PPP5C: variants seen among roughly 807,000 people sequenced by gnomAD.
PPP5C encodes the protein serine/threonine-protein phosphatase 5.
In PPP5C, 21 loss-of-function variants were observed where a neutral mutation model predicts 66.7. The ratio of observed to expected loss-of-function variants is 0.31; its 90% CI spans 0.22 to 0.45. PPP5C has a LOEUF of 0.45. PPP5C is among the 20% of genes least tolerant of loss of function. The pLI is 1.00. For missense variants in PPP5C, 464 were observed against 675.9 expected, an observed-to-expected ratio of 0.69 and a Z score of 3.48; for synonymous variants, 246 against 257.4, an observed-to-expected ratio of 0.96 and a Z score of 0.43.
intron 1 of PPP5C, among the ~76,000 whole-genome samples, chr19:46,351,883 C>T (rs564408036): frequency 1.3e-5 from 2 of 152,328 alleles, no homozygotes; most frequent in African/African-American, 4.8e-5. Context: ...CCTGACCCAG[C>T]CTGGGAGTAA....
chr19:46,375,960 T>C (rs570156819), intron 3 of PPP5C, among the ~76,000 whole-genome samples: 1 of 152,224 alleles, frequency 6.6e-6, no homozygotes, highest in South Asian at 2.1e-4. Context: ...TGGAGAGCCA[T>C]GGTCCCCCTG....
At chr19:46,378,523 TGCTC>T (rs1204419093) in intron 4 of PPP5C, among the ~76,000 whole-genome samples, 1 of 152,242 alleles carries the variant, frequency 6.6e-6, no homozygotes, top group Non-Finnish European at 1.5e-5. Context: ...TTTTTCTAAT[TGCTC>T]AATCATTTAT....
intron 2 of PPP5C, among the ~76,000 whole-genome samples, chr19:46,361,521 C>A (rs1429624622): frequency 7.1e-6 from 1 of 140,330 alleles, no homozygotes; most frequent in Admixed American, 7.5e-5. Context: ...CTGAGGCAGG[C>A]GGATCATGAG....
rs915932837 is a variant in PPP5C at position 46,384,686 on chromosome 19, C to T, written c.799-118C>T. 1.8e-5 allele frequency: 13 copies of T among 736,798 alleles called. No homozygotes were observed. The African/African-American group carries it at 2.1e-4, about 12-fold the overall frequency. 45.6% of individuals were successfully genotyped at this position (736,798 alleles called of 1,614,324 possible). A position where few individuals can be genotyped will look rare whatever the true frequency, so the allele number is the denominator to read the frequency against. Reference sequence around the variant, plus strand: ...GTCCTCACTCCCTGGGAGGTGCTGACAGGAGGCTTGAGGCCAGGCAGGAGC... The same window carrying T: ...GTCCTCACTCCCTGGGAGGTGCTGATAGGAGGCTTGAGGCCAGGCAGGAGC... On this transcript the variant is annotated intron_variant, in intron 6 of 12. Transcript: ENST00000012443.
At chr19:46,390,160 C>A in intron 12 of PPP5C, 28 bp downstream of exon 12, 1 of 1,612,142 alleles carries the variant, frequency 6.2e-7, no homozygotes, top group Non-Finnish European at 8.5e-7. Context: ...GCCCCTGCCC[C>A]TTCCATCCCG....
At chr19:46,386,649 G>A (rs1972893750) in intron 7 of PPP5C, 1 of 198,146 alleles carries the variant, frequency 5.0e-6, no homozygotes, top group Non-Finnish European at 1.1e-5. Flanking sequence ...GCTTTGCTCT[G>A]TTGCCCAGGC....
intron 1 of PPP5C, among the ~76,000 whole-genome samples, chr19:46,350,145 G>A (rs1430484677): frequency 6.6e-6 from 1 of 152,188 alleles, no homozygotes; most frequent in African/African-American, 2.4e-5. Context: ...GAGGCCAGGT[G>A]GAGGCTGAGC....
Position 46,390,120 on chromosome 19 carries a change from G to C in PPP5C, c.1425G>C (p.Gln475His). The change falls in exon 12 of 13, where the codon CAG (glutamine) becomes CAC (histidine). Residue 475 changes from glutamine to histidine, a missense_variant. By Grantham distance (24) the Gln-to-His change is conservative (BLOSUM62 0). Coordinates refer to ENST00000012443, the MANE Select transcript of PPP5C (RefSeq NM_006247.4). ...QGSDLRPQFH[Q>H]FTAVPHPNVK... ...CTGACCTACGGCCTCAGTTCCACCA[G>C]TTCACAGCAGTGGTGAGTCACCCCT... 2 of 1,614,148 alleles carry C rather than the reference G, an allele frequency of 1.2e-6. No homozygotes were observed. Among genetic ancestry groups the C allele is most frequent in the South Asian group, 1.1e-5 (1 of 91,088 alleles).
At chr19:46,389,327 A>C (rs1972951901) in intron 11 of PPP5C, among the ~76,000 whole-genome samples, 1 of 147,828 alleles carries the variant, frequency 6.8e-6, no homozygotes, top group Non-Finnish European at 1.5e-5. Context: ...ATCTCAAAAC[A>C]CACGCACACG....
intron 9 of PPP5C, chr19:46,387,844 T>G: frequency 1.2e-6 from 1 of 836,528 alleles, no homozygotes; most frequent in Non-Finnish European, 1.6e-6. Context: ...ATGGATTGGG[T>G]GGGCTGGTGC....
intron 2 of PPP5C, among the ~76,000 whole-genome samples, chr19:46,374,432 G>C (rs190434191): frequency 8.7e-5 from 12 of 137,512 alleles, no homozygotes; most frequent in African/African-American, 3.2e-4. Flanking sequence ...AAGGATGGTG[G>C]GCAGGTCAGA....
At chr19:46,384,960 G>T in intron 7 of PPP5C, 51 bp downstream of exon 7, 1 of 1,336,812 alleles carries the variant, frequency 7.5e-7, no homozygotes, top group Non-Finnish European at 1.1e-6. Context: ...CCTGAGTGGG[G>T]CACTCACTCT....
At chr19:46,351,845 C>G (rs1027578986) in intron 1 of PPP5C, among the ~76,000 whole-genome samples, 3 of 152,202 alleles carry the variant, frequency 2.0e-5, no homozygotes, top group African/African-American at 7.2e-5. Flanking sequence ...ACAGGAGATC[C>G]CAGGGGCTGG....
intron 2 of PPP5C, among the ~76,000 whole-genome samples, chr19:46,365,672 T>G (rs781500393): frequency 3.2e-4 from 49 of 152,154 alleles, no homozygotes; most frequent in Non-Finnish European, 2.9e-4. Context: ...GGAGGCCCTT[T>G]AAGACTCCAA....
chr19:46,388,738 CTT>C lies in PPP5C; in HGVS notation c.1355+9_1355+10del. On this transcript the variant is annotated splice_region_variant and intron_variant, in intron 11 of 12. Coordinates refer to ENST00000012443, the MANE Select transcript of PPP5C (RefSeq NM_006247.4). This position sits in a 1 kb window ranked among gnomAD's most constrained non-coding sequence, Gnocchi z 4.9. ...TCTCTGCCCCCAACTACTGGTATGT[CTT>C]TGCCTTTCCAGCCCAGGGCCTCTAC... The C allele has an allele frequency of 6.2e-7, 1 of 1,611,926 alleles. No homozygotes were observed. The highest frequency in any genetic ancestry group is 8.5e-7 in the Non-Finnish European group (1 of 1,178,346).
chr19:46,366,250 CAG>C (rs1382876366), intron 2 of PPP5C, among the ~76,000 whole-genome samples: 1 of 149,782 alleles, frequency 6.7e-6, no homozygotes, highest in Non-Finnish European at 1.5e-5. Context: ...TTAACATAGA[CAG>C]AGTTTATTTG....
intron 7 of PPP5C, among the ~76,000 whole-genome samples, chr19:46,385,873 G>T (rs781562373): frequency 2.6e-5 from 4 of 151,712 alleles, no homozygotes; most frequent in Non-Finnish European, 4.4e-5. Context: ...GAGCCCAGGA[G>T]TGTAAGGCTG....
intron 1 of PPP5C, among the ~76,000 whole-genome samples, chr19:46,352,204 G>T (rs1417536758): frequency 6.6e-6 from 1 of 152,190 alleles, no homozygotes; most frequent in African/African-American, 2.4e-5. Flanking sequence ...GGATGGATCT[G>T]TCTCCTCCAC....
At position 46,390,684 on chromosome 19, in the gene PPP5C, A is replaced by C. The variant is rs1283341386; in HGVS notation, c.*338A>C. On this transcript the variant is annotated 3_prime_UTR_variant, in exon 13 of 13. Transcript: ENST00000012443. ...GCATGGCTCCTCCCCCACTCAAGCAATAGGGCCCCGCCATAGGAAGACCCC... is the reference window on the plus strand; with the variant it reads ...GCATGGCTCCTCCCCCACTCAAGCACTAGGGCCCCGCCATAGGAAGACCCC... 12 of 1,212,852 alleles carry C rather than the reference A, an allele frequency of 9.9e-6. No homozygotes were observed. The South Asian group carries it at 1.3e-4, about 13-fold the overall frequency. The allele number at this position is 1,212,852 out of a possible 1,614,324, so 75.1% of individuals were successfully genotyped here. A position where few individuals can be genotyped will look rare whatever the true frequency, so the allele number is the denominator to read the frequency against.
Sources: gnomAD v4.1 joint callset for allele counts (sites outside exome capture counted in the v4.1 genomes callset) on GRCh38, gnomAD v4.1.1 for gene constraint, Gnocchi (gnomAD v3.1) non-coding constraint, MANE v1.5 for transcripts, NCBI Gene and HGNC (gene_info 2026-07-23, HGNC 2026-07-21) for gene names.